ZFHX3: variants seen among roughly 807,000 people sequenced by gnomAD.
The protein encoded by ZFHX3 is zinc finger homeobox 3.
ZFHX3 carries 42 observed loss-of-function variants against 279.1 expected under a neutral mutation model. The ratio of observed to expected loss-of-function variants is 0.15; its 90% CI spans 0.12 to 0.19. The LOEUF (loss-of-function observed/expected upper bound fraction) is 0.19, where lower values mean the gene tolerates loss of function less well. Among genes scored for constraint, ZFHX3 ranks in the 10% least tolerant of loss-of-function variants. The probability of loss-of-function intolerance (pLI) is 1.00; values close to 1 mark genes in which losing one functional copy is unlikely to be tolerated. For synonymous variants in ZFHX3, 2,293 were observed against 1,957.8 expected (o/e 1.17, Z -4.52); for missense variants, 4,981 against 4,754.0 (o/e 1.05, Z -1.40).
At chr16:73,044,656 T>C (rs1259314531) in intron 1 of ZFHX3, among the ~76,000 whole-genome samples, 1 of 152,208 alleles carries the variant, frequency 6.6e-6, no homozygotes, top group African/African-American at 2.4e-5. Context: ...AGTTTCGCTC[T>C]TGTTGCCCAG....
intron 5 of ZFHX3, among the ~76,000 whole-genome samples, chr16:73,218,734 C>A (rs1455699879): frequency 6.6e-6 from 1 of 151,858 alleles, no homozygotes; most frequent in Admixed American, 6.6e-5. Context: ...GTGCCACTGC[C>A]CTCCAGCCTG....
intron 3 of ZFHX3, among the ~76,000 whole-genome samples, chr16:73,373,088 T>C (rs1434825058): frequency 6.6e-6 from 1 of 151,844 alleles, no homozygotes; most frequent in Non-Finnish European, 1.5e-5. Context: ...GTGTGAAAAA[T>C]TAGAGACACC....
intron 7 of ZFHX3, among the ~76,000 whole-genome samples, chr16:73,103,028 G>A (rs190379658): frequency 1.3e-5 from 2 of 152,138 alleles, no homozygotes; most frequent in Admixed American, 6.5e-5. Flanking sequence ...AGGTTGGATC[G>A]ATTCTCCTGC....
chr16:73,536,468 C>T (rs924847453), intron 2 of ZFHX3, among the ~76,000 whole-genome samples: 8 of 152,180 alleles, frequency 5.3e-5, no homozygotes, highest in African/African-American at 1.9e-4. Context: ...CAACAGTGTG[C>T]CACCAAAGTC....
At chr16:72,854,546 G>A (rs1244153735) in intron 4 of ZFHX3, among the ~76,000 whole-genome samples, 1 of 152,138 alleles carries the variant, frequency 6.6e-6, no homozygotes, top group Non-Finnish European at 1.5e-5. Flanking sequence ...TGGGTCCCAA[G>A]AACGACTGGC....
rs72236616 is a variant in ZFHX3, at chr16:73,787,814, AGTGTGTGTGTGTGTGTGTGTGT to A, written c.-1608+103815_-1608+103836del. Among the ~76,000 whole-genome samples, 3 of 137,972 alleles carry A rather than the reference AGTGTGTGTGTGTGTGTGTGTGT, an allele frequency of 2.2e-5. 1 individual carries two copies. Among genetic ancestry groups the A allele is most frequent in the African/African-American group, 8.4e-5 (3 of 35,688 alleles). The allele number at this position is 137,972 out of a possible 152,430, so 90.5% of individuals were successfully genotyped here. A position where few individuals can be genotyped will look rare whatever the true frequency, so the allele number is the denominator to read the frequency against. ...CTAAACACTGTCACTGTTTTCTTAA[AGTGTGTGTGTGTGTGTGTGTGT>A]GTGTGTGTGTGTGTGTGAAAGAGAG... On this transcript the variant is annotated intron_variant, in intron 1 of 17. Transcript: ENST00000641206.
At chr16:73,558,546 C>T in intron 2 of ZFHX3, 1 of 151,982 alleles carries the variant, frequency 6.6e-6, no homozygotes. Context: ...GGGGACAAGT[C>T]GATTAAACAC....
chr16:73,749,747 A>C (rs2142268466), intron 1 of ZFHX3, among the ~76,000 whole-genome samples: 1 of 152,330 alleles, frequency 6.6e-6, no homozygotes, highest in Middle Eastern at 3.4e-3. Context: ...CTTTTCATGC[A>C]GTGGATAAAT....
At chr16:73,471,668 A>G (rs1260992912) in intron 2 of ZFHX3, among the ~76,000 whole-genome samples, 1 of 152,230 alleles carries the variant, frequency 6.6e-6, no homozygotes, top group Non-Finnish European at 1.5e-5. Flanking sequence ...AGGAGGGCTC[A>G]GGGGACCCTT....
chr16:72,927,435 C>G (rs931921107), intron 3 of ZFHX3, among the ~76,000 whole-genome samples: 5 of 152,178 alleles, frequency 3.3e-5, no homozygotes, highest in Non-Finnish European at 7.3e-5. Flanking sequence ...CCTTGGCCTC[C>G]TGATTTGCCT....
intron 5 of ZFHX3, among the ~76,000 whole-genome samples, chr16:73,174,217 C>G (rs1967606998): frequency 6.6e-6 from 1 of 151,944 alleles, no homozygotes. Flanking sequence ...TTGCTGATGC[C>G]TTCTAAGGCC....
intron 1 of ZFHX3, among the ~76,000 whole-genome samples, chr16:72,970,224 T>A (rs1396734316): frequency 6.6e-6 from 1 of 150,810 alleles, no homozygotes; most frequent in Non-Finnish European, 1.5e-5. Flanking sequence ...TTTTTTTTTT[T>A]ACTATATATG....
At chr16:73,428,662 C>T (rs2017855681) in intron 3 of ZFHX3, among the ~76,000 whole-genome samples, 1 of 151,582 alleles carries the variant, frequency 6.6e-6, no homozygotes, top group African/African-American at 2.4e-5. Context: ...TCCCTCCCCA[C>T]CATAAATAAA....
intron 1 of ZFHX3, chr16:73,796,577 T>C (rs417278): frequency 0.43 from 65,612 of 152,024 alleles, 14,294 homozygotes; most frequent in South Asian, 0.57. Flanking sequence ...GGTGAGGACC[T>C]GACAAAGCTA....
intron 5 of ZFHX3, among the ~76,000 whole-genome samples, chr16:72,816,399 C>T (rs924130168): frequency 6.6e-6 from 1 of 152,140 alleles, no homozygotes; most frequent in Admixed American, 6.5e-5. Context: ...AGGAATCATG[C>T]GACTGAATGC....
intron 1 of ZFHX3, among the ~76,000 whole-genome samples, chr16:72,969,127 G>T (rs541854077): frequency 6.6e-6 from 1 of 152,230 alleles, no homozygotes; most frequent in Non-Finnish European, 1.5e-5. Flanking sequence ...ATTCGACATA[G>T]TAACCCCCCA....
chr16:73,053,495 G>C (rs2144730224), intron 1 of ZFHX3, among the ~76,000 whole-genome samples: 1 of 152,242 alleles, frequency 6.6e-6, no homozygotes, highest in African/African-American at 2.4e-5. Flanking sequence ...GGGGCATGGA[G>C]AAGTGGACAA....
At chr16:73,622,934 C>T (rs946602860) in intron 2 of ZFHX3, among the ~76,000 whole-genome samples, 1 of 152,228 alleles carries the variant, frequency 6.6e-6, no homozygotes. Flanking sequence ...TGTTTCTACC[C>T]TAGTACCTGG....
At chr16:73,720,869 G>T (rs2053467287) in intron 1 of ZFHX3, among the ~76,000 whole-genome samples, 1 of 152,144 alleles carries the variant, frequency 6.6e-6, no homozygotes, top group African/African-American at 2.4e-5. Context: ...GTTCAGAAAA[G>T]AACAGATTAT....
Sources: gnomAD v4.1 joint callset for allele counts (sites outside exome capture counted in the v4.1 genomes callset) on GRCh38, gnomAD v4.1.1 for gene constraint, MANE v1.5 for transcripts, NCBI Gene and HGNC (gene_info 2026-07-23, HGNC 2026-07-21) for gene names.